Variants in OSBPL3 observed in about 807,000 individuals in gnomAD.
OSBPL3 encodes oxysterol-binding protein-related protein 3.
Under a neutral mutation model 120.1 loss-of-function variants are expected in OSBPL3, and 65 were observed. That is an observed-to-expected ratio of 0.54 (90% CI 0.44 to 0.67). The LOEUF (loss-of-function observed/expected upper bound fraction) is 0.67, where lower values mean the gene tolerates loss of function less well. OSBPL3 is among the 30% of genes least tolerant of loss of function. OSBPL3 has a pLI of 0.00. For synonymous variants in OSBPL3, 416 were observed against 402.6 expected (o/e 1.03, Z -0.40); for missense variants, 1,004 against 1,082.1 (o/e 0.93, Z 1.01).
At chr7:24,927,119 C>T (rs1194654587) in intron 1 of OSBPL3, among the ~76,000 whole-genome samples, 1 of 152,168 alleles carries the variant, frequency 6.6e-6, no homozygotes, top group African/African-American at 2.4e-5. Context: ...AGAAGCAATG[C>T]TGCTTCCATT....
chr7:24,972,894 A>G lies in OSBPL3; in HGVS notation c.-150+6992T>C, dbSNP rs1207555326. 6.6e-6 allele frequency among the ~76,000 whole-genome samples: 1 copy of G among 152,226 alleles called. No homozygotes were observed. Among genetic ancestry groups the G allele is most frequent in the Non-Finnish European group, 1.5e-5 (1 of 68,046 alleles). ...GTTCTTGTAACTATTACAATATTTG[A>G]TATCAAGACAGGAAACCAGTGTGGG... is the stretch of plus-strand genomic sequence containing the variant. On this transcript the variant is annotated intron_variant, in intron 1 of 22. Coordinates refer to ENST00000313367, the MANE Select transcript of OSBPL3 (RefSeq NM_015550.4). This position sits in a 1 kb window ranked among gnomAD's most constrained non-coding sequence, Gnocchi z 4.3.
In OSBPL3 at chr7:24,959,805, G is replaced by C. The variant is rs959720946; in HGVS notation, c.-150+20081C>G. ...ATGCTGACATGCTTATCGGCCACTT[G>C]TAAAACCCAGCTGACCTGGACTGGT... On this transcript the variant is annotated intron_variant, in intron 1 of 22. Coordinates refer to ENST00000313367, the MANE Select transcript of OSBPL3 (RefSeq NM_015550.4). The surrounding 1 kb of genome is among the most constrained non-coding windows in gnomAD (Gnocchi z 4.3). 2.0e-5 allele frequency among the ~76,000 whole-genome samples: 3 copies of C among 152,168 alleles called. No homozygotes were observed. The highest frequency in any genetic ancestry group is 6.5e-5 in the Admixed American group (1 of 15,272).
At chr7:24,971,931 C>T (rs1470349302) in intron 1 of OSBPL3, among the ~76,000 whole-genome samples, 1 of 152,118 alleles carries the variant, frequency 6.6e-6, no homozygotes, top group Non-Finnish European at 1.5e-5. Context: ...CTATATATGC[C>T]AGGAATTTGC....
At chr7:24,905,870 A>G (rs1807831647) in intron 1 of OSBPL3, among the ~76,000 whole-genome samples, 1 of 152,292 alleles carries the variant, frequency 6.6e-6, no homozygotes, top group African/African-American at 2.4e-5. Flanking sequence ...TGTCTCTACT[A>G]AAAATACAAA....
Position 24,808,826 on chromosome 7 carries a change from G to A in OSBPL3, c.2317+981C>T, listed in dbSNP as rs1243745479. 1.3e-5 allele frequency among the ~76,000 whole-genome samples: 2 copies of A among 152,214 alleles called. No homozygotes were observed. The highest frequency in any genetic ancestry group is 6.5e-5 in the Admixed American group (1 of 15,282). ...CCACTGCAGGCTGACGTGATATAAA[G>A]TCCCATTTGCTGCGGGATCTTAGGA... On this transcript the variant is annotated intron_variant, in intron 20 of 22. Coordinates refer to ENST00000313367, the MANE Select transcript of OSBPL3 (RefSeq NM_015550.4). The surrounding 1 kb of genome is among the most constrained non-coding windows in gnomAD (Gnocchi z 4.6).
At chr7:24,904,114 C>T (rs1221575959) in intron 1 of OSBPL3, among the ~76,000 whole-genome samples, 1 of 152,068 alleles carries the variant, frequency 6.6e-6, no homozygotes, top group East Asian at 1.9e-4. Flanking sequence ...AACTCCTGAC[C>T]TCAAGTGATC....
chr7:24,869,078 C>A (rs17228163), intron 5 of OSBPL3, among the ~76,000 whole-genome samples: 1 of 151,986 alleles, frequency 6.6e-6, no homozygotes, highest in African/African-American at 2.4e-5. Context: ...ATAACTAGAA[C>A]GCTCAGATAA....
At chr7:24,888,203 A>G (rs1804816802) in intron 2 of OSBPL3, among the ~76,000 whole-genome samples, 1 of 152,210 alleles carries the variant, frequency 6.6e-6, no homozygotes, top group Non-Finnish European at 1.5e-5. Flanking sequence ...ACTTTCACAA[A>G]TAAGACTTGA....
intron 9 of OSBPL3, 63 bp from the exon 10 acceptor site, chr7:24,861,832 A>T: frequency 9.2e-7 from 1 of 1,084,242 alleles, no homozygotes; most frequent in Non-Finnish European, 1.3e-6. Flanking sequence ...TATTTACTTG[A>T]TTCTAAGATT....
chr7:24,950,928 T>A (rs1814352169), intron 1 of OSBPL3, among the ~76,000 whole-genome samples: 1 of 152,130 alleles, frequency 6.6e-6, no homozygotes, highest in South Asian at 2.1e-4. Flanking sequence ...GAGACTGAAC[T>A]TGAGTTGAAA....
chr7:24,836,993 C>G (rs979031917), intron 14 of OSBPL3, among the ~76,000 whole-genome samples: 1 of 152,028 alleles, frequency 6.6e-6, no homozygotes, highest in Non-Finnish European at 1.5e-5. Flanking sequence ...CACCAACATG[C>G]CTGGCTAATT....
intron 2 of OSBPL3, among the ~76,000 whole-genome samples, chr7:24,886,646 T>A (rs781366689): frequency 6.6e-6 from 1 of 152,200 alleles, no homozygotes; most frequent in Admixed American, 6.5e-5. Flanking sequence ...CTATGAGAAA[T>A]AAAAGGATGT....
In OSBPL3 at chr7:24,800,154, C is replaced by T. The variant is rs144498124; in HGVS notation, c.*29G>A. On this transcript the variant is annotated 3_prime_UTR_variant, in exon 23 of 23. Coordinates refer to ENST00000313367, the MANE Select transcript of OSBPL3 (RefSeq NM_015550.4). Reference sequence around the variant, plus strand: ...TCAGAAGGCAAGCACAGGAGAAATACACTAATGTTATCTTTCTTCTTTACT... The same window carrying T: ...TCAGAAGGCAAGCACAGGAGAAATATACTAATGTTATCTTTCTTCTTTACT... 8.0e-7 allele frequency: 1 copy of T among 1,257,000 alleles called. No homozygotes were observed. Among genetic ancestry groups the T allele is most frequent in the Non-Finnish European group, 1.2e-6 (1 of 854,866 alleles). 77.9% of individuals were successfully genotyped at this position (1,257,000 alleles called of 1,614,324 possible). A position where few individuals can be genotyped will look rare whatever the true frequency, so the allele number is the denominator to read the frequency against.
rs1803305990 is a variant in OSBPL3, at chr7:24,879,318, T to C, written c.97-7249A>G. ...TGACTTTGGGATCTAAGTGAGAAGA[T>C]TAAAGAAAACAGGAGACTGAGCAAT... On this transcript the variant is annotated intron_variant, in intron 2 of 22. Transcript: ENST00000313367. The surrounding 1 kb of genome is among the most constrained non-coding windows in gnomAD (Gnocchi z 5.6). Among the ~76,000 whole-genome samples, 1 of 152,188 alleles carries C rather than the reference T, an allele frequency of 6.6e-6. No homozygotes were observed. Among genetic ancestry groups the C allele is most frequent in the Admixed American group, 6.5e-5 (1 of 15,282 alleles).
In OSBPL3 at chr7:24,805,117, T is replaced by G. The variant is rs79631004; in HGVS notation, c.2445-680A>C. ...GTAGGAGAAATTTCTAGAAGTGAAA[T>G]TGCTGGATGAAAGGGTGAGTGTGTA... is the stretch of plus-strand genomic sequence containing the variant. On this transcript the variant is annotated intron_variant, in intron 21 of 22. Coordinates refer to ENST00000313367, the MANE Select transcript of OSBPL3 (RefSeq NM_015550.4). This position sits in a 1 kb window ranked among gnomAD's most constrained non-coding sequence, Gnocchi z 4.0. Among the ~76,000 whole-genome samples the G allele has an allele frequency of 0.084, 12,708 of 152,184 alleles. 715 individuals are homozygous for G. Among genetic ancestry groups the G allele is most frequent in the South Asian group, 0.14 (678 of 4,824 alleles).
intron 12 of OSBPL3, among the ~76,000 whole-genome samples, chr7:24,843,730 C>G (rs955288408): frequency 6.6e-6 from 1 of 152,154 alleles, no homozygotes; most frequent in Non-Finnish European, 1.5e-5. Context: ...GAAAACCAAG[C>G]CTCTTCTCTA....
intron 2 of OSBPL3, among the ~76,000 whole-genome samples, chr7:24,887,400 T>A (rs1804688177): frequency 6.6e-6 from 1 of 152,196 alleles, no homozygotes. Context: ...TGAAACAAGG[T>A]CATGTGAGTT....
intron 1 of OSBPL3, among the ~76,000 whole-genome samples, chr7:24,925,342 G>A (rs1051001786): frequency 1.3e-5 from 2 of 152,152 alleles, no homozygotes; most frequent in Admixed American, 6.5e-5. Flanking sequence ...TGGAACACTG[G>A]GGGGTGATGT....
rs1432884079 is a variant in OSBPL3 at position 24,972,969 on chromosome 7, TGAGGAAAG to T, written c.-150+6909_-150+6916del. Among the ~76,000 whole-genome samples the T allele has an allele frequency of 2.6e-5, 4 of 152,332 alleles. No homozygotes were observed. The highest frequency in any genetic ancestry group is 9.6e-5 in the African/African-American group (4 of 41,568). ...ATACATATTTGGAGAAATGTTACAT[TGAGGAAAG>T]TATCTGACCCACACAATACTAAAAA... On this transcript the variant is annotated intron_variant, in intron 1 of 22. Transcript: ENST00000313367. This position sits in a 1 kb window ranked among gnomAD's most constrained non-coding sequence, Gnocchi z 4.3.
Sources: allele counts gnomAD v4.1 joint callset (sites outside exome capture counted in the v4.1 genomes callset), GRCh38; gene constraint gnomAD v4.1.1; non-coding constraint Gnocchi (gnomAD v3.1); transcripts MANE v1.5; gene names NCBI Gene and HGNC (gene_info 2026-07-23, HGNC 2026-07-21).